MYRIP: variants seen among roughly 807,000 people sequenced by gnomAD.
MYRIP encodes the protein rab effector MyRIP.
In MYRIP, 49 loss-of-function variants were observed where a neutral mutation model predicts 98.0. The ratio of observed to expected loss-of-function variants is 0.50; its 90% confidence interval spans 0.40 to 0.63. The LOEUF is 0.63. Among genes scored for constraint, MYRIP ranks in the 30% least tolerant of loss-of-function variants. The pLI is 0.00. For missense variants in MYRIP, 1,004 were observed against 1,058.2 expected (o/e 0.95, Z 0.71); for synonymous variants, 404 against 409.5 (o/e 0.99, Z 0.16).
chr3:40,204,508 A>G (rs1042200340), intron 10 of MYRIP, among the ~76,000 whole-genome samples: 1 of 151,804 alleles, frequency 6.6e-6, no homozygotes, highest in Non-Finnish European at 1.5e-5. Context: ...TGTGCAAGGA[A>G]GAGGCAACGT....
intron 2 of MYRIP, among the ~76,000 whole-genome samples, chr3:39,990,107 G>C (rs1330278835): frequency 6.6e-6 from 1 of 152,196 alleles, no homozygotes; most frequent in East Asian, 1.9e-4. Flanking sequence ...TTCATTGTTG[G>C]GACCCTAGAC....
At chr3:40,076,916 T>C (rs1948355676) in intron 3 of MYRIP, among the ~76,000 whole-genome samples, 1 of 152,160 alleles carries the variant, frequency 6.6e-6, no homozygotes, top group South Asian at 2.1e-4. Flanking sequence ...TTTTTTAAGT[T>C]AGAAAAAGGA....
chr3:40,159,817 A>G (rs1950339174), intron 4 of MYRIP, among the ~76,000 whole-genome samples: 1 of 152,006 alleles, frequency 6.6e-6, no homozygotes, highest in African/African-American at 2.4e-5. Context: ...TTCTTCACGT[A>G]GTTCTCGAGC....
intron 2 of MYRIP, among the ~76,000 whole-genome samples, chr3:39,942,229 A>G (rs1259537051): frequency 6.6e-6 from 1 of 152,282 alleles, no homozygotes; most frequent in East Asian, 1.9e-4. Flanking sequence ...GAACAGGGCC[A>G]CGTCACTGCA....
chr3:39,901,567 T>C (rs1329422221), intron 2 of MYRIP, among the ~76,000 whole-genome samples: 2 of 152,084 alleles, frequency 1.3e-5, no homozygotes, highest in African/African-American at 4.8e-5. Flanking sequence ...GTGATAGAAA[T>C]GAGGTCATGT....
chr3:40,220,764 A>G (rs1952311654), intron 11 of MYRIP, among the ~76,000 whole-genome samples: 1 of 152,112 alleles, frequency 6.6e-6, no homozygotes, highest in African/African-American at 2.4e-5. Flanking sequence ...CAGAAGGCAA[A>G]GGGGAAGCAG....
intron 2 of MYRIP, among the ~76,000 whole-genome samples, chr3:40,041,442 C>T (rs75053027): frequency 0.28 from 41,209 of 149,510 alleles, 6,389 homozygotes; most frequent in Non-Finnish European, 0.36. Context: ...ACTGACGACA[C>T]ACTGCTTCTG....
chr3:39,893,686 A>G (rs919734208), intron 1 of MYRIP, among the ~76,000 whole-genome samples: 5 of 151,876 alleles, frequency 3.3e-5, no homozygotes, highest in Middle Eastern at 3.4e-3. Context: ...ACACACACAC[A>G]CACACACACA....
intron 6 of MYRIP, 25 bp from the exon 7 acceptor site, chr3:40,167,134 C>T (rs750294432): frequency 2.5e-6 from 4 of 1,611,626 alleles, no homozygotes; most frequent in Admixed American, 3.3e-5. Flanking sequence ...ACCCACAGCA[C>T]ACAGCCATTC....
chr3:39,811,685 T>C (rs1358125323), intron 1 of MYRIP, among the ~76,000 whole-genome samples: 2 of 151,280 alleles, frequency 1.3e-5, no homozygotes, highest in Non-Finnish European at 2.9e-5. Context: ...GTGTGTGTTG[T>C]CTCTGAGGAG....
intron 11 of MYRIP, among the ~76,000 whole-genome samples, chr3:40,228,563 C>T (rs1321463143): frequency 2.0e-5 from 3 of 152,170 alleles, no homozygotes; most frequent in East Asian, 1.9e-4. Context: ...TTATACTGTA[C>T]GCTTCCCTAT....
chr3:40,129,862 G>A (rs1009279617), intron 3 of MYRIP, among the ~76,000 whole-genome samples: 1 of 152,130 alleles, frequency 6.6e-6, no homozygotes, highest in African/African-American at 2.4e-5. Flanking sequence ...ACTTTAATGT[G>A]ATTGTAATTT....
intron 1 of MYRIP, among the ~76,000 whole-genome samples, chr3:39,842,985 C>A (rs544953029): frequency 6.6e-6 from 1 of 152,164 alleles, no homozygotes; most frequent in Non-Finnish European, 1.5e-5. Flanking sequence ...AAGTTGCTAA[C>A]GTTAATTAAA....
At chr3:40,085,443 C>A (rs2125876891) in intron 3 of MYRIP, among the ~76,000 whole-genome samples, 1 of 152,246 alleles carries the variant, frequency 6.6e-6, no homozygotes, top group African/African-American at 2.4e-5. Context: ...CACCACCGTG[C>A]CCAGCTAATT....
rs575989616 is a variant in MYRIP, at chr3:39,996,219, T to A, written c.111-47831T>A. Among the ~76,000 whole-genome samples, 5 of 152,256 alleles carry A rather than the reference T, an allele frequency of 3.3e-5. No homozygotes were observed. The East Asian group carries it at 9.7e-4, about 29-fold the overall frequency. On this transcript the variant is annotated intron_variant, in intron 2 of 16. Coordinates refer to ENST00000302541, the MANE Select transcript of MYRIP (RefSeq NM_015460.4). ...AATGTAAATGGACTAAATCCTCCAA[T>A]TAAAAGACACAGACTGGCAAATTGG... is the stretch of plus-strand genomic sequence containing the variant.
chr3:39,849,942 A>C (rs1942076885), intron 1 of MYRIP, among the ~76,000 whole-genome samples: 1 of 152,204 alleles, frequency 6.6e-6, no homozygotes, highest in Non-Finnish European at 1.5e-5. Flanking sequence ...ACAACTTTAA[A>C]AGTTCGGATT....
chr3:39,944,763 T>C (rs1944860978), intron 2 of MYRIP, among the ~76,000 whole-genome samples: 1 of 152,126 alleles, frequency 6.6e-6, no homozygotes. Context: ...CATCAAAAGT[T>C]TTTTTCTTAG....
At chr3:40,043,835 G>T (rs937287135) in intron 2 of MYRIP, among the ~76,000 whole-genome samples, 1 of 152,156 alleles carries the variant, frequency 6.6e-6, no homozygotes, top group African/African-American at 2.4e-5. Context: ...TAGAAAATCT[G>T]ACATACAGGA....
intron 1 of MYRIP, among the ~76,000 whole-genome samples, chr3:39,879,978 C>A (rs1943117804): frequency 2.0e-5 from 3 of 152,170 alleles, no homozygotes; most frequent in Admixed American, 2.0e-4. Flanking sequence ...AAACTGGTGA[C>A]TGTTTTCATT....
Sources: allele counts gnomAD v4.1 joint callset (sites outside exome capture counted in the v4.1 genomes callset), GRCh38; gene constraint gnomAD v4.1.1; transcripts MANE v1.5; gene names NCBI Gene and HGNC (gene_info 2026-07-23, HGNC 2026-07-21).